The following GADL1 variants were observed in gnomAD, a reference collection of about 807,000 sequenced individuals.
The protein encoded by GADL1 is GAD like acidic amino acid decarboxylase 1, also known as acidic amino acid decarboxylase GADL1.
In GADL1, 71 loss-of-function variants were observed where a neutral mutation model predicts 69.5. That is an observed-to-expected ratio of 1.02 (90% CI 0.84 to 1.25). The LOEUF is 1.25. Ranked by LOEUF, GADL1 falls within the 50% of genes most tolerant of loss-of-function variation. The pLI, the probability that GADL1 is intolerant of heterozygous loss-of-function variation, is 0.00. For missense variants in GADL1, 737 were observed against 631.8 expected (o/e 1.17, Z -1.79); for synonymous variants, 254 against 214.4 (o/e 1.18, Z -1.62).
At chr3:30,880,384 G>A (rs1355376009) in intron 1 of GADL1, among the ~76,000 whole-genome samples, 1 of 151,840 alleles carries the variant, frequency 6.6e-6, no homozygotes, top group Non-Finnish European at 1.5e-5. Flanking sequence ...GAGGCAACTG[G>A]TGGGAATTAA....
At position 30,882,286 on chromosome 3, in the gene GADL1, C is replaced by A. The variant is rs569919764; in HGVS notation, c.37+12292G>T. Among the ~76,000 whole-genome samples, 3 of 151,868 alleles carry A rather than the reference C, an allele frequency of 2.0e-5. No individual in the cohort carries two copies. The East Asian group carries it at 5.8e-4, about 30-fold the overall frequency. ...TGTTTCACATTGTGAAACAGATCTT[C>A]AAAATATTTTCATCTTCTAAAACTG... On this transcript the variant is annotated intron_variant, in intron 1 of 14. Transcript: ENST00000282538.
chr3:30,791,779 A>AGG (rs1263079755), intron 12 of GADL1, among the ~76,000 whole-genome samples: 2 of 152,010 alleles, frequency 1.3e-5, no homozygotes, highest in Non-Finnish European at 2.9e-5. Context: ...GGGTCATGGG[A>AGG]GGGACCTGGT....
At chr3:30,731,080 T>G (rs750533745) in intron 14 of GADL1, among the ~76,000 whole-genome samples, 3 of 152,216 alleles carry the variant, frequency 2.0e-5, no homozygotes, top group Non-Finnish European at 4.4e-5. Context: ...ACAACAGTAG[T>G]GCCAGTGCTG....
intron 12 of GADL1, chr3:30,800,299 G>C (rs1454616040): frequency 1.3e-5 from 2 of 152,960 alleles, no homozygotes; most frequent in African/African-American, 4.8e-5. Context: ...GAGGAAGAAT[G>C]CAAAAGTAGA....
intron 1 of GADL1, among the ~76,000 whole-genome samples, chr3:30,879,335 T>C (rs946503267): frequency 1.3e-5 from 2 of 151,888 alleles, no homozygotes; most frequent in African/African-American, 2.4e-5. Flanking sequence ...GCCTTCATCC[T>C]CATCAGAGAA....
chr3:30,743,824 T>A (rs1207811905), intron 14 of GADL1, among the ~76,000 whole-genome samples: 1 of 152,172 alleles, frequency 6.6e-6, no homozygotes, highest in Non-Finnish European at 1.5e-5. Flanking sequence ...GGAGTACATA[T>A]CTCTGTTCCA....
intron 11 of GADL1, among the ~76,000 whole-genome samples, chr3:30,832,740 T>TA (rs1697812429): frequency 6.6e-6 from 1 of 152,076 alleles, no homozygotes; most frequent in Non-Finnish European, 1.5e-5. Flanking sequence ...ATGGTAATCT[T>TA]AAACTACCTT....
chr3:30,813,416 A>T (rs1296407753), intron 11 of GADL1, among the ~76,000 whole-genome samples: 1 of 152,226 alleles, frequency 6.6e-6, no homozygotes, highest in Non-Finnish European at 1.5e-5. Context: ...ACTGGACAAA[A>T]CAGACACAGA....
intron 11 of GADL1, among the ~76,000 whole-genome samples, chr3:30,832,927 A>C (rs544295715): frequency 0.015 from 2,148 of 147,012 alleles, 56 homozygotes; most frequent in African/African-American, 0.053. Context: ...CAGTCTGATC[A>C]TGTCAAAACG....
At chr3:30,852,447 G>T (rs564757095) in intron 4 of GADL1, among the ~76,000 whole-genome samples, 9 of 152,200 alleles carry the variant, frequency 5.9e-5, no homozygotes, top group Admixed American at 2.6e-4. Flanking sequence ...GGAGGCGGAG[G>T]TTGCAGTAAG....
At chr3:30,776,290 TTCTC>T (rs1353003738) in intron 14 of GADL1, among the ~76,000 whole-genome samples, 1 of 152,188 alleles carries the variant, frequency 6.6e-6, no homozygotes, top group Non-Finnish European at 1.5e-5. Context: ...GACCCTATCT[TTCTC>T]AACTTGTAAT....
chr3:30,786,999 G>A (rs1696807149), intron 12 of GADL1, among the ~76,000 whole-genome samples: 1 of 152,104 alleles, frequency 6.6e-6, no homozygotes, highest in African/African-American at 2.4e-5. Flanking sequence ...TGAACAGTGA[G>A]AACACATGGA....
At chr3:30,847,676 C>T (rs538789428) in intron 6 of GADL1, among the ~76,000 whole-genome samples, 5 of 152,228 alleles carry the variant, frequency 3.3e-5, no homozygotes, top group South Asian at 2.1e-4. Flanking sequence ...ACAGTGTGCT[C>T]GAAGTGATGT....
At chr3:30,785,772 A>AC (rs1696775632) in intron 13 of GADL1, among the ~76,000 whole-genome samples, 1 of 152,138 alleles carries the variant, frequency 6.6e-6, no homozygotes, top group African/African-American at 2.4e-5. Flanking sequence ...ACTATAACAA[A>AC]ATCTAAGAAG....
chr3:30,807,557 G>T (rs1687621904), intron 11 of GADL1, among the ~76,000 whole-genome samples: 1 of 152,148 alleles, frequency 6.6e-6, no homozygotes, highest in Admixed American at 6.5e-5. Flanking sequence ...CACTCTAAAG[G>T]TATCACATAA....
chr3:30,801,907 C>G (rs953011376), intron 11 of GADL1, among the ~76,000 whole-genome samples: 1 of 152,148 alleles, frequency 6.6e-6, no homozygotes, highest in Admixed American at 6.5e-5. Context: ...CTCAGTGGAG[C>G]CAATGTACTC....
At chr3:30,850,458 A>C (rs1433038817) in intron 5 of GADL1, among the ~76,000 whole-genome samples, 1 of 152,134 alleles carries the variant, frequency 6.6e-6, no homozygotes, top group East Asian at 1.9e-4. Flanking sequence ...AAATTGAAAT[A>C]ATATTTGTTG....
At chr3:30,763,289 G>C (rs769149492) in intron 14 of GADL1, among the ~76,000 whole-genome samples, 1 of 152,038 alleles carries the variant, frequency 6.6e-6, no homozygotes, top group African/African-American at 2.4e-5. Flanking sequence ...ACAAGGTCAG[G>C]AGATTGAGAC....
chr3:30,861,076 G>T (rs980290678), intron 2 of GADL1, among the ~76,000 whole-genome samples: 1 of 151,818 alleles, frequency 6.6e-6, no homozygotes, highest in African/African-American at 2.4e-5. Context: ...ACCAATAATT[G>T]GTACCAGAAA....
Sources: gnomAD v4.1 joint callset for allele counts (sites outside exome capture counted in the v4.1 genomes callset) on GRCh38, gnomAD v4.1.1 for gene constraint, MANE v1.5 for transcripts, NCBI Gene and HGNC (gene_info 2026-07-23, HGNC 2026-07-21) for gene names.